The following MYH15 variants were observed in gnomAD, a reference collection of about 807,000 sequenced individuals.
MYH15 encodes myosin-15.
Under a neutral mutation model 240.5 loss-of-function variants are expected in MYH15, and 227 were observed. The ratio of observed to expected loss-of-function variants is 0.94; its 90% CI spans 0.85 to 1.05. The LOEUF (loss-of-function observed/expected upper bound fraction) is 1.05, where lower values mean the gene tolerates loss of function less well. Ranked by LOEUF, MYH15 falls within the 50% of genes least tolerant of loss-of-function variation. MYH15 has a pLI of 0.00. For missense variants in MYH15, 2,217 were observed against 2,247.5 expected (o/e 0.99, Z 0.27); for synonymous variants, 785 against 796.7 (o/e 0.99, Z 0.25).
Position 108,398,676 on chromosome 3 carries a change from G to A in MYH15, c.5094C>T (p.Leu1698=). 8 of 1,613,798 alleles carry A rather than the reference G, an allele frequency of 5.0e-6. No homozygotes were observed. Among genetic ancestry groups the A allele is most frequent in the Non-Finnish European group, 6.8e-6 (8 of 1,180,038 alleles). ...ERGRRLSEEE[L]LEATERINLF... ...GATTGATTCTTTCTGTTGCTTCCAG[G>A]AGCTCTTCTTCTGACAGCCTGCGGC... The change falls in exon 35 of 41, where the codon CTC becomes CTT. Residue 1698 remains leucine, a synonymous_variant. Transcript: ENST00000693548.
At chr3:108,414,164 C>CAA in intron 30 of MYH15, 68 bp downstream of exon 30, 1 of 1,509,480 alleles carries the variant, frequency 6.6e-7, no homozygotes, top group Non-Finnish European at 9.1e-7. Flanking sequence ...GCCTTGGAGA[C>CAA]AGAGTCATTA....
chr3:108,537,833 G>T, the MYH15 span, among the ~76,000 whole-genome samples: 29 of 152,110 alleles, frequency 1.9e-4, no homozygotes, highest in African/African-American at 6.5e-4. Flanking sequence ...AATTAAAATG[G>T]GAAGAAAATA....
chr3:108,405,253 A>G, intron 33 of MYH15, 85 bp downstream of exon 33: 3 of 687,830 alleles, frequency 4.4e-6, no homozygotes, highest in Non-Finnish European at 6.7e-6. Context: ...AACAGGGGCC[A>G]TAAAAGCAGC....
chr3:108,401,869 A>G (rs1475622461), intron 33 of MYH15, among the ~76,000 whole-genome samples: 1 of 152,248 alleles, frequency 6.6e-6, no homozygotes, highest in Admixed American at 6.5e-5. Flanking sequence ...CTTTAAAATG[A>G]AAACTCCCTC....
chr3:108,398,203 C>A (rs535011099), intron 35 of MYH15, among the ~76,000 whole-genome samples: 1 of 152,036 alleles, frequency 6.6e-6, no homozygotes, highest in Admixed American at 6.5e-5. Flanking sequence ...ACCCTCGCAG[C>A]GGGAAGATGC....
chr3:108,526,025 C>G (rs749382027), intron 1 of MYH15, among the ~76,000 whole-genome samples: 3 of 152,002 alleles, frequency 2.0e-5, no homozygotes, highest in Non-Finnish European at 2.9e-5. Flanking sequence ...GAAGAAATAT[C>G]CTGTTCTGAG....
chr3:108,432,085 G>A (rs1220139304), intron 25 of MYH15, among the ~76,000 whole-genome samples: 2 of 152,166 alleles, frequency 1.3e-5, no homozygotes, highest in African/African-American at 4.8e-5. Context: ...TTCAGACTGA[G>A]TCTTGCTCTG....
intron 24 of MYH15, 29 bp downstream of exon 24, chr3:108,439,708 G>C (rs752541994): frequency 1.3e-6 from 2 of 1,510,156 alleles, no homozygotes; most frequent in Non-Finnish European, 1.8e-6. Flanking sequence ...TAGACAGATA[G>C]ATAACTAACC....
At chr3:108,533,481 G>A (rs533534535), upstream of MYH15, among the ~76,000 whole-genome samples, 18 of 152,220 alleles carry the variant, frequency 1.2e-4, no homozygotes, top group East Asian at 3.5e-3. Context: ...TCAAATAAGA[G>A]AATGTATAAA....
At chr3:108,445,352 C>G (rs1435583472) in intron 21 of MYH15, among the ~76,000 whole-genome samples, 1 of 151,878 alleles carries the variant, frequency 6.6e-6, no homozygotes, top group Non-Finnish European at 1.5e-5. Flanking sequence ...GAAAAATCCA[C>G]CTACCAGCAA....
At chr3:108,529,267 A>G in exon 1 of MYH15, 2 of 1,603,574 alleles carry the variant, frequency 1.2e-6, no homozygotes, top group Non-Finnish European at 1.7e-6. Context: ...ACTCACCATG[A>G]TCTTTTTGGT....
intron 8 of MYH15, 53 bp downstream of exon 8, chr3:108,493,061 G>T: frequency 7.5e-7 from 1 of 1,329,062 alleles, no homozygotes; most frequent in Non-Finnish European, 1.1e-6. Flanking sequence ...AGAAGGGAAG[G>T]GAAGGAAGGG....
At chr3:108,387,789 G>A (rs1341965776) in intron 38 of MYH15, among the ~76,000 whole-genome samples, 1 of 152,174 alleles carries the variant, frequency 6.6e-6, no homozygotes, top group Admixed American at 6.5e-5. Context: ...GTCTAAAGAA[G>A]TGTCAGACTA....
chr3:108,404,335 AAG>A (rs2082530525), intron 33 of MYH15, among the ~76,000 whole-genome samples: 1 of 152,242 alleles, frequency 6.6e-6, no homozygotes, highest in South Asian at 2.1e-4. Flanking sequence ...TTCTTAAAAA[AAG>A]ACTGTTTAAC....
chr3:108,522,971 A>G (rs1359396966), intron 1 of MYH15, among the ~76,000 whole-genome samples: 1 of 152,096 alleles, frequency 6.6e-6, no homozygotes, highest in African/African-American at 2.4e-5. Flanking sequence ...CAAGGCCCCC[A>G]TCTTCTTCCT....
intron 12 of MYH15, among the ~76,000 whole-genome samples, chr3:108,472,808 CTAAT>C (rs1425495788): frequency 2.0e-5 from 3 of 152,094 alleles, no homozygotes; most frequent in Non-Finnish European, 2.9e-5. Flanking sequence ...ATGTTGCTCA[CTAAT>C]TAATCATTTT....
intron 22 of MYH15, among the ~76,000 whole-genome samples, chr3:108,441,601 TC>T (rs148873883): frequency 0.017 from 2,584 of 152,258 alleles, 71 homozygotes; most frequent in African/African-American, 0.059. Context: ...TCTGGAAATA[TC>T]CATGTAGGCA....
At chr3:108,402,144 T>C (rs1467655252) in intron 33 of MYH15, among the ~76,000 whole-genome samples, 1 of 152,138 alleles carries the variant, frequency 6.6e-6, no homozygotes, top group African/African-American at 2.4e-5. Context: ...TCCAAATACA[T>C]ATGAGCCAGC....
At chr3:108,425,492 C>G (rs1317715607) in intron 27 of MYH15, among the ~76,000 whole-genome samples, 1 of 151,954 alleles carries the variant, frequency 6.6e-6, no homozygotes, top group Non-Finnish European at 1.5e-5. Context: ...GTAGACAGAC[C>G]TACATGGGAA....
Sources: gnomAD v4.1 joint callset for allele counts (sites outside exome capture counted in the v4.1 genomes callset) on GRCh38, gnomAD v4.1.1 for gene constraint, MANE v1.5 for transcripts, NCBI Gene and HGNC (gene_info 2026-07-23, HGNC 2026-07-21) for gene names.